The following CDH23 variants were observed in gnomAD, a reference collection of about 807,000 sequenced individuals.
The protein encoded by CDH23 is cadherin related 23, also known as cadherin-23.
CDH23 carries 189 observed loss-of-function variants against 317.1 expected under a neutral mutation model. The ratio of observed to expected loss-of-function variants is 0.60; its 90% CI spans 0.53 to 0.67. The LOEUF is 0.67. Ranked by LOEUF, CDH23 falls within the 30% of genes least tolerant of loss-of-function variation. CDH23 has a pLI of 0.00. For synonymous variants in CDH23, 1,839 were observed against 1,876.8 expected (o/e 0.98, Z 0.52); for missense variants, 4,401 against 4,592.4 (o/e 0.96, Z 1.20).
intron 3 of CDH23, among the ~76,000 whole-genome samples, chr10:71,455,424 A>G (rs931744227): frequency 1.3e-5 from 2 of 152,174 alleles, no homozygotes; most frequent in Non-Finnish European, 2.9e-5. Flanking sequence ...GGGCAAATGT[A>G]ATCTTGCCCA....
In CDH23 at chr10:71,692,620, T is replaced by G. The variant is rs1335914790; in HGVS notation, c.2177-1527T>G. Among the ~76,000 whole-genome samples, 7 of 152,328 alleles carry G rather than the reference T, an allele frequency of 4.6e-5. No homozygotes were observed. In the South Asian group the frequency reaches 1.0e-3, roughly 23 times the overall value. On this transcript the variant is annotated intron_variant, in intron 20 of 69. Coordinates refer to ENST00000224721, the MANE Select transcript of CDH23 (RefSeq NM_022124.6). ...GTCTTCCATTCCTGGCCTCAGCACC[T>G]AAGCTGCCCTGTCACCCACCCCCAG...
intron 24 of CDH23, 142 bp from the exon 25 acceptor site, chr10:71,704,769 C>A (rs1198564394): frequency 1.4e-6 from 1 of 694,934 alleles, no homozygotes. Context: ...GGGACAGTGG[C>A]CTGGCCTAAG....
chr10:71,580,764 T>C (rs1296410690), intron 9 of CDH23, among the ~76,000 whole-genome samples: 1 of 152,182 alleles, frequency 6.6e-6, no homozygotes, highest in Non-Finnish European at 1.5e-5. Flanking sequence ...TGTTGGGTAA[T>C]GAGCCCCTTG....
At chr10:71,775,904 G>A (rs7101175) in intron 38 of CDH23, among the ~76,000 whole-genome samples, 36,297 of 152,098 alleles carry the variant, frequency 0.24, 4,452 homozygotes, top group Non-Finnish European at 0.26. Context: ...CTACTGGTGA[G>A]GGGCCCAGCC....
chr10:71,522,254 G>A (rs1017221072), intron 6 of CDH23, among the ~76,000 whole-genome samples: 3 of 152,044 alleles, frequency 2.0e-5, no homozygotes, highest in Non-Finnish European at 2.9e-5. Flanking sequence ...AACTGCACCC[G>A]GATCGAGAAG....
At chr10:71,684,439 C>T (rs35188551) in intron 18 of CDH23, among the ~76,000 whole-genome samples, 21 of 152,000 alleles carry the variant, frequency 1.4e-4, no homozygotes, top group African/African-American at 2.2e-4. Flanking sequence ...CTCCACCCCC[C>T]CTGGAGACAC....
chr10:71,424,406 A>G (rs193185902), intron 1 of CDH23, among the ~76,000 whole-genome samples: 18 of 152,336 alleles, frequency 1.2e-4, no homozygotes, highest in Non-Finnish European at 2.1e-4. Flanking sequence ...AGCATCTCAC[A>G]CAATTATGTG....
chr10:71,506,149 G>A (rs1372864634), intron 3 of CDH23, among the ~76,000 whole-genome samples: 13 of 152,196 alleles, frequency 8.5e-5, no homozygotes, highest in Non-Finnish European at 1.6e-4. Flanking sequence ...GCCACATACT[G>A]TATTATTTCA....
intron 3 of CDH23, among the ~76,000 whole-genome samples, chr10:71,460,194 A>G (rs1850908593): frequency 6.6e-6 from 1 of 152,236 alleles, no homozygotes; most frequent in African/African-American, 2.4e-5. Flanking sequence ...TTGGCACAGA[A>G]CAGAGTGGAT....
chr10:71,505,921 A>G (rs996571023), intron 3 of CDH23, among the ~76,000 whole-genome samples: 4 of 152,238 alleles, frequency 2.6e-5, no homozygotes, highest in Admixed American at 2.6e-4. Context: ...TTCAAACAAA[A>G]ACTTGTACAT....
At chr10:71,679,284 G>A (rs1375643253) in intron 16 of CDH23, 103 bp from the exon 17 acceptor site, 2 of 829,528 alleles carry the variant, frequency 2.4e-6, no homozygotes, top group Non-Finnish European at 4.0e-6. Flanking sequence ...CAAAAAAGGA[G>A]CTGTGAACAG....
Position 71,809,990 on chromosome 10 carries a change from C to A in CDH23, c.8893C>A (p.Pro2965Thr). ...CGTCAAGATCGTCATTAACGAGATCCCCGACCGTGTGCGCGGCTTCGAGGA... is the reference window on the plus strand; with the variant it reads ...CGTCAAGATCGTCATTAACGAGATCACCGACCGTGTGCGCGGCTTCGAGGA... ...QRVKIVINEIPDRVRGFEEEF... is the reference protein window; with the variant it reads ...QRVKIVINEITDRVRGFEEEF... Residue 2965 changes from proline to threonine, a missense_variant, in exon 61 of 70, where the codon CCC (proline) becomes ACC (threonine). Pro to Thr is a conservative substitution (Grantham distance 38, BLOSUM62 -1). Around this residue, in one of 3 missense-constraint regions of CDH23, gnomAD observed 1,144 missense variants for 1,138.2 expected, o/e 1.01. Coordinates refer to ENST00000224721, the MANE Select transcript of CDH23 (RefSeq NM_022124.6). 6.2e-7 allele frequency: 1 copy of A among 1,612,328 alleles called. No homozygotes were observed. The highest frequency in any genetic ancestry group is 8.5e-7 in the Non-Finnish European group (1 of 1,179,888).
chr10:71,759,920 TAC>T (rs370585887), intron 38 of CDH23, among the ~76,000 whole-genome samples: 15,115 of 65,260 alleles, frequency 0.23, 3,599 homozygotes, highest in South Asian at 0.45. Flanking sequence ...CACACATATA[TAC>T]ACACACACAT....
intron 9 of CDH23, among the ~76,000 whole-genome samples, chr10:71,613,761 G>A (rs1564688087): frequency 1.3e-5 from 2 of 152,328 alleles, no homozygotes; most frequent in East Asian, 1.9e-4. Context: ...GAAGACCTGG[G>A]AGCTACAGCC....
Position 71,690,589 on chromosome 10 carries a change from GCC to G in CDH23, c.2176+11_2176+12del, listed in dbSNP as rs770990654. The G allele has an allele frequency of 6.4e-7, 1 of 1,574,584 alleles. No homozygotes were observed. The highest frequency in any genetic ancestry group is 8.6e-7 in the Non-Finnish European group (1 of 1,156,270). ...TTCGGATCAATGCCCGCTCAGGTGA[GCC>G]CCCCCACCCCAAGTACCCTGGTCCT... On this transcript the variant is annotated splice_donor_region_variant and intron_variant, in intron 20 of 69. Coordinates refer to ENST00000224721, the MANE Select transcript of CDH23 (RefSeq NM_022124.6).
chr10:71,638,987 A>G (rs1182200569), intron 11 of CDH23, among the ~76,000 whole-genome samples: 2 of 152,186 alleles, frequency 1.3e-5, no homozygotes, highest in African/African-American at 4.8e-5. Flanking sequence ...CCCTAGGAGC[A>G]AAGTGCAGGA....
chr10:71,790,215 G>A (rs544869504), intron 45 of CDH23, 73 bp from the exon 46 acceptor site: 31 of 1,572,230 alleles, frequency 2.0e-5, no homozygotes, highest in East Asian at 1.1e-4. Context: ...ATGGCTCACC[G>A]GGACAGGGCA....
intron 3 of CDH23, among the ~76,000 whole-genome samples, chr10:71,481,210 G>A (rs1005077625): frequency 1.3e-5 from 2 of 152,138 alleles, no homozygotes; most frequent in Admixed American, 6.5e-5. Context: ...CTGGGTGTCT[G>A]CAGGGCCCCA....
At chr10:71,796,995 G>A (rs1038066688) in intron 48 of CDH23, 109 bp from the exon 49 acceptor site, 8 of 698,790 alleles carry the variant, frequency 1.1e-5, no homozygotes, top group East Asian at 2.8e-5. Flanking sequence ...TTCTACTGGG[G>A]ACCGTCATCC....
Sources: gnomAD v4.1 joint callset for allele counts (sites outside exome capture counted in the v4.1 genomes callset) on GRCh38, gnomAD v4.1.1 for gene constraint, gnomAD v4.1.1 regional missense constraint, MANE v1.5 for transcripts, NCBI Gene and HGNC (gene_info 2026-07-23, HGNC 2026-07-21) for gene names.